The following LRRC4C variants were observed in gnomAD, a reference collection of about 807,000 sequenced individuals.
LRRC4C encodes leucine rich repeat containing 4C, also known as leucine-rich repeat-containing protein 4C.
In LRRC4C, 5 loss-of-function variants were observed where a neutral mutation model predicts 33.6. That is an observed-to-expected ratio of 0.15 (90% CI 0.08 to 0.31). The LOEUF is 0.31. Among genes scored for constraint, LRRC4C ranks in the 10% least tolerant of loss-of-function variants. LRRC4C has a pLI of 1.00. For synonymous variants in LRRC4C, 329 were observed against 302.0 expected, an observed-to-expected ratio of 1.09 and a Z score of -0.93; for missense variants, 560 against 796.7, an observed-to-expected ratio of 0.70 and a Z score of 3.58.
intron 2 of LRRC4C, among the ~76,000 whole-genome samples, chr11:40,765,825 T>C (rs10768631): frequency 0.78 from 118,797 of 151,700 alleles, 46,668 homozygotes; most frequent in Middle Eastern, 0.86. Context: ...AACACACTGA[T>C]AAGATGTAGA....
chr11:40,686,460 C>T (rs7939606), intron 2 of LRRC4C, among the ~76,000 whole-genome samples: 57,984 of 151,724 alleles, frequency 0.38, 13,432 homozygotes, highest in East Asian at 0.57. Context: ...TGATGCCTCC[C>T]ATTACCCCGA....
chr11:41,214,758 A>T (rs1946974249), intron 1 of LRRC4C, among the ~76,000 whole-genome samples: 4 of 141,306 alleles, frequency 2.8e-5, no homozygotes, highest in South Asian at 2.2e-4. Context: ...TCAAAAATAA[A>T]ATATATATAT....
intron 1 of LRRC4C, among the ~76,000 whole-genome samples, chr11:41,094,541 T>C (rs567729731): frequency 6.6e-6 from 1 of 151,910 alleles, no homozygotes; most frequent in Non-Finnish European, 1.5e-5. Context: ...AAAAAAATAA[T>C]AAAAATAAAA....
intron 3 of LRRC4C, chr11:40,446,079 T>C (rs921074458): frequency 2.6e-4 from 40 of 152,306 alleles, no homozygotes; most frequent in African/African-American, 8.4e-4. Context: ...TACATATCTC[T>C]TGGGACATGA....
chr11:40,995,764 A>AG lies in LRRC4C; in HGVS notation c.-495-62042dup, dbSNP rs770139831. On this transcript the variant is annotated intron_variant, in intron 1 of 6. Transcript: ENST00000528697. ...TTACAACTCAGCTTTCAAAAAGCTT[A>AG]GGAGGCATCTCACTGCACTTGGAAC... is the stretch of plus-strand genomic sequence containing the variant. 9.2e-5 allele frequency among the ~76,000 whole-genome samples: 14 copies of AG among 152,312 alleles called. No homozygotes were observed. In the South Asian group the frequency reaches 2.7e-3, roughly 29 times the overall value.
At chr11:41,109,641 G>A (rs963092890) in intron 1 of LRRC4C, among the ~76,000 whole-genome samples, 2 of 152,108 alleles carry the variant, frequency 1.3e-5, no homozygotes, top group Admixed American at 6.6e-5. Context: ...TCTAAAAAGT[G>A]CGTAACGGAA....
intron 1 of LRRC4C, among the ~76,000 whole-genome samples, chr11:41,192,906 T>C (rs568468267): frequency 6.6e-6 from 1 of 152,182 alleles, no homozygotes; most frequent in South Asian, 2.1e-4. Context: ...GAGATGCCAT[T>C]AAGAAAATCA....
intron 1 of LRRC4C, among the ~76,000 whole-genome samples, chr11:41,382,943 C>G (rs949211071): frequency 5.9e-5 from 9 of 152,082 alleles, no homozygotes; most frequent in South Asian, 2.1e-4. Context: ...AAAAGCTAAA[C>G]ATACTTATGA....
chr11:40,207,531 G>A (rs1324649217), intron 5 of LRRC4C, among the ~76,000 whole-genome samples: 1 of 152,176 alleles, frequency 6.6e-6, no homozygotes, highest in East Asian at 1.9e-4. Context: ...AAGCCCAGGA[G>A]CTTGAGGTTG....
At position 41,253,591 on chromosome 11, in the gene LRRC4C, A is replaced by G. The variant is rs188537678; in HGVS notation, c.-496+205840T>C. On this transcript the variant is annotated intron_variant, in intron 1 of 6. Transcript: ENST00000528697. ...AGAACTGGTTTCTTGTCCCAGCTCC[A>G]TGATGAAATAGGTACATAACACTAA... Among the ~76,000 whole-genome samples, 27 of 152,256 alleles carry G rather than the reference A, an allele frequency of 1.8e-4. No homozygotes were observed. The South Asian group carries it at 2.1e-3, about 12-fold the overall frequency.
At chr11:40,315,369 A>G (rs1945525676) in intron 4 of LRRC4C, among the ~76,000 whole-genome samples, 1 of 151,858 alleles carries the variant, frequency 6.6e-6, no homozygotes, top group Admixed American at 6.6e-5. Context: ...TTATGTACCT[A>G]CATGTCTATT....
At chr11:41,403,845 C>T (rs189854569) in intron 1 of LRRC4C, among the ~76,000 whole-genome samples, 147 of 152,162 alleles carry the variant, frequency 9.7e-4, no homozygotes, top group Non-Finnish European at 1.9e-3. Context: ...TCAATAGAGA[C>T]TTTCAAGAAA....
intron 1 of LRRC4C, among the ~76,000 whole-genome samples, chr11:41,120,341 A>G (rs1487927146): frequency 2.6e-5 from 4 of 152,192 alleles, no homozygotes; most frequent in Admixed American, 2.0e-4. Context: ...AGTATTTGTC[A>G]TTGTGCAGGG....
chr11:40,385,390 CTA>C (rs1949065211), intron 3 of LRRC4C, among the ~76,000 whole-genome samples: 2 of 152,118 alleles, frequency 1.3e-5, no homozygotes, highest in Non-Finnish European at 2.9e-5. Context: ...ATCTATCTAA[CTA>C]TGTGATCCTA....
At chr11:40,338,853 A>G (rs945342499) in intron 3 of LRRC4C, among the ~76,000 whole-genome samples, 4 of 152,222 alleles carry the variant, frequency 2.6e-5, no homozygotes, top group South Asian at 4.1e-4. Flanking sequence ...CCACTAGACT[A>G]TAAAAAGAGA....
chr11:41,279,508 G>A (rs1225675295), intron 1 of LRRC4C, among the ~76,000 whole-genome samples: 2 of 151,480 alleles, frequency 1.3e-5, no homozygotes, highest in Non-Finnish European at 2.9e-5. Context: ...CAGCTCCATA[G>A]TTACCCATCC....
At chr11:40,914,813 C>T (rs917901603) in intron 2 of LRRC4C, among the ~76,000 whole-genome samples, 1 of 152,020 alleles carries the variant, frequency 6.6e-6, no homozygotes, top group African/African-American at 2.4e-5. Flanking sequence ...CGTCTCAGCC[C>T]AAAAATCTCC....
chr11:41,384,868 T>C (rs559153560), intron 1 of LRRC4C, among the ~76,000 whole-genome samples: 1 of 149,292 alleles, frequency 6.7e-6, no homozygotes, highest in Non-Finnish European at 1.5e-5. Flanking sequence ...TTGTATAGTA[T>C]ACTGAACTAT....
At chr11:40,359,787 G>A (rs1183871441) in intron 3 of LRRC4C, among the ~76,000 whole-genome samples, 1 of 152,078 alleles carries the variant, frequency 6.6e-6, no homozygotes, top group Non-Finnish European at 1.5e-5. Flanking sequence ...ATTTCCATGA[G>A]CATTTTATGC....
Sources: gnomAD v4.1 joint callset for allele counts (sites outside exome capture counted in the v4.1 genomes callset) on GRCh38, gnomAD v4.1.1 for gene constraint, MANE v1.5 for transcripts, NCBI Gene and HGNC (gene_info 2026-07-23, HGNC 2026-07-21) for gene names.